The following KLF7 variants were observed in gnomAD, a reference collection of about 807,000 sequenced individuals.
The protein encoded by KLF7 is Krueppel-like factor 7.
A neutral mutation model predicts 27.3 loss-of-function variants in KLF7; 2 were observed. The ratio of observed to expected loss-of-function variants is 0.07; its 90% confidence interval spans 0.03 to 0.23. The LOEUF (loss-of-function observed/expected upper bound fraction) is 0.23. KLF7 is among the 10% of genes least tolerant of loss of function. The probability of loss-of-function intolerance (pLI) is 1.00; values close to 1 mark genes in which losing one functional copy is unlikely to be tolerated. For synonymous variants in KLF7, 165 were observed against 162.4 expected, an observed-to-expected ratio of 1.02 and a Z score of -0.12; for missense variants, 221 against 394.1, an observed-to-expected ratio of 0.56 and a Z score of 3.72.
intron 1 of KLF7, among the ~76,000 whole-genome samples, chr2:207,125,072 T>C (rs1027987102): frequency 1.3e-5 from 2 of 152,242 alleles, no homozygotes; most frequent in African/African-American, 2.4e-5. Flanking sequence ...TACAATGCTA[T>C]ATTACTTTGT....
chr2:207,166,236 G>A (rs2078704446), upstream of KLF7: 5 of 953,952 alleles, frequency 5.2e-6, no homozygotes, highest in South Asian at 4.8e-5. Context: ...GGACCAATGG[G>A]GAGCCCGGAG....
chr2:207,101,473 G>A (rs1415235711), intron 2 of KLF7, among the ~76,000 whole-genome samples: 3 of 152,192 alleles, frequency 2.0e-5, no homozygotes, highest in Non-Finnish European at 4.4e-5. Flanking sequence ...AAGGACAAGG[G>A]CAAGAAGTAT....
rs567795041 is a variant in KLF7 at position 207,080,002 on chromosome 2, T to G, written c.*1211A>C. 107 of 152,308 alleles carry G rather than the reference T, an allele frequency of 7.0e-4. No homozygotes were observed. Among genetic ancestry groups the G allele is most frequent in the African/African-American group, 2.5e-3 (105 of 41,568 alleles). The allele number at this position is 152,308 out of a possible 1,614,324, so 9.4% of individuals were successfully genotyped here. A position where few individuals can be genotyped will look rare whatever the true frequency, so the allele number is the denominator to read the frequency against. On this transcript the variant is annotated 3_prime_UTR_variant, in exon 4 of 4. Transcript: ENST00000309446. ...GGAAAGAGTGATATTTTTGGCTTTT[T>G]GTCAGGTCATAAACCAGAGTTAAAT... is the stretch of plus-strand genomic sequence containing the variant.
At chr2:207,119,932 G>A (rs1297555515) in intron 2 of KLF7, among the ~76,000 whole-genome samples, 1 of 152,182 alleles carries the variant, frequency 6.6e-6, no homozygotes, top group African/African-American at 2.4e-5. Flanking sequence ...GACCTCAGGT[G>A]ATCCACCTGC....
At chr2:207,162,955 A>G (rs963046284) in intron 1 of KLF7, among the ~76,000 whole-genome samples, 1 of 152,188 alleles carries the variant, frequency 6.6e-6, no homozygotes, top group Non-Finnish European at 1.5e-5. Context: ...TTCTTTGCAG[A>G]AACCCTGTTG....
At chr2:207,149,462 C>T (rs2078183537) in intron 1 of KLF7, among the ~76,000 whole-genome samples, 1 of 152,232 alleles carries the variant, frequency 6.6e-6, no homozygotes, top group Non-Finnish European at 1.5e-5. Context: ...CCGGCTGACT[C>T]CTGTGCTCAC....
intron 1 of KLF7, among the ~76,000 whole-genome samples, chr2:207,145,942 GAA>G (rs2078085736): frequency 1.3e-5 from 2 of 152,162 alleles, no homozygotes; most frequent in African/African-American, 4.8e-5. Context: ...TCACCAAAGA[GAA>G]ATAAATTATA....
intron 1 of KLF7, among the ~76,000 whole-genome samples, chr2:207,131,306 T>A (rs1047464817): frequency 4.6e-5 from 7 of 152,208 alleles, no homozygotes; most frequent in Non-Finnish European, 8.8e-5. Context: ...TTTCTGACAT[T>A]TATTGTGTGG....
At chr2:207,120,389 T>C (rs556368975) in intron 2 of KLF7, among the ~76,000 whole-genome samples, 29 of 152,372 alleles carry the variant, frequency 1.9e-4, no homozygotes, top group South Asian at 6.2e-4. Context: ...TCTTCCTTTA[T>C]GCATATGAGA....
At chr2:207,100,400 A>C (rs1296444890) in intron 2 of KLF7, among the ~76,000 whole-genome samples, 1 of 152,206 alleles carries the variant, frequency 6.6e-6, no homozygotes, top group Non-Finnish European at 1.5e-5. Context: ...TATAAAGTCT[A>C]AGAGTAACCC....
At chr2:207,169,536 C>A (rs1056177814), upstream of KLF7, among the ~76,000 whole-genome samples, 27 of 152,282 alleles carry the variant, frequency 1.8e-4, no homozygotes, top group African/African-American at 6.5e-4. Context: ...AAAATACATT[C>A]ATTCTGTCCT....
intron 1 of KLF7, among the ~76,000 whole-genome samples, chr2:207,129,592 T>C (rs1339092568): frequency 1.3e-5 from 2 of 152,208 alleles, no homozygotes; most frequent in African/African-American, 4.8e-5. Flanking sequence ...TAATACTCTC[T>C]TCATGCTTTT....
intron 2 of KLF7, among the ~76,000 whole-genome samples, chr2:207,119,054 G>A (rs1019595643): frequency 1.3e-5 from 2 of 152,136 alleles, no homozygotes; most frequent in East Asian, 3.8e-4. Context: ...CACCTGAAAC[G>A]TATCCTGTTA....
chr2:207,140,411 G>A (rs1416453461), intron 1 of KLF7, among the ~76,000 whole-genome samples: 1 of 152,138 alleles, frequency 6.6e-6, no homozygotes, highest in Admixed American at 6.5e-5. Flanking sequence ...CCAGTCCTTA[G>A]AGACTAATGC....
intron 3 of KLF7, among the ~76,000 whole-genome samples, chr2:207,083,515 G>T (rs1037883627): frequency 2.6e-5 from 4 of 152,160 alleles, no homozygotes; most frequent in African/African-American, 9.7e-5. Context: ...TTTGAACACA[G>T]GCAGTCTGAC....
intron 1 of KLF7, among the ~76,000 whole-genome samples, chr2:207,162,449 C>G (rs2078577060): frequency 6.6e-6 from 1 of 152,206 alleles, no homozygotes; most frequent in South Asian, 2.1e-4. Flanking sequence ...GATGATGTTA[C>G]TTGGGCCGAG....
chr2:207,101,030 C>G (rs55916865), intron 2 of KLF7, among the ~76,000 whole-genome samples: 1 of 152,180 alleles, frequency 6.6e-6, no homozygotes, highest in Non-Finnish European at 1.5e-5. Context: ...TCCAACAGCA[C>G]GAAAAGTTTT....
chr2:207,142,576 G>C (rs971637735), intron 1 of KLF7, among the ~76,000 whole-genome samples: 1 of 152,206 alleles, frequency 6.6e-6, no homozygotes, highest in Non-Finnish European at 1.5e-5. Context: ...GCAACACAGA[G>C]AAGGAACCCA....
At chr2:207,109,806 C>T (rs572267434) in intron 2 of KLF7, among the ~76,000 whole-genome samples, 1 of 152,142 alleles carries the variant, frequency 6.6e-6, no homozygotes, top group Non-Finnish European at 1.5e-5. Context: ...TAATTCCCTA[C>T]TGGATCTAAA....
Sources: gnomAD v4.1 joint callset for allele counts (sites outside exome capture counted in the v4.1 genomes callset) on GRCh38, gnomAD v4.1.1 for gene constraint, MANE v1.5 for transcripts, NCBI Gene and HGNC (gene_info 2026-07-23, HGNC 2026-07-21) for gene names.